The following ROBO1 variants were observed in gnomAD, a reference collection of about 807,000 sequenced individuals.
The protein encoded by ROBO1 is roundabout homolog 1.
In ROBO1, 149 loss-of-function variants were observed where a neutral mutation model predicts 195.9. The ratio of observed to expected loss-of-function variants is 0.76; its 90% CI spans 0.67 to 0.87. ROBO1 has a LOEUF of 0.87. Among genes scored for constraint, ROBO1 ranks in the 40% least tolerant of loss-of-function variants. The pLI is 0.00. For missense variants in ROBO1, 1,933 were observed against 2,068.3 expected (o/e 0.93, Z 1.27); for synonymous variants, 816 against 733.2 (o/e 1.11, Z -1.82).
chr3:79,736,289 T>C (rs1703386059), intron 1 of ROBO1, among the ~76,000 whole-genome samples: 1 of 152,120 alleles, frequency 6.6e-6, no homozygotes, highest in Non-Finnish European at 1.5e-5. Flanking sequence ...GAGGAGAACA[T>C]GAACAAATGA....
intron 2 of ROBO1, among the ~76,000 whole-genome samples, chr3:79,447,383 A>G (rs2039296791): frequency 6.6e-6 from 1 of 152,186 alleles, no homozygotes; most frequent in African/African-American, 2.4e-5. Flanking sequence ...AAGAATTTTT[A>G]CAAAACAAAT....
At chr3:79,766,063 T>C (rs1704968675) in intron 1 of ROBO1, among the ~76,000 whole-genome samples, 1 of 151,316 alleles carries the variant, frequency 6.6e-6, no homozygotes, top group Non-Finnish European at 1.5e-5. Flanking sequence ...AACTACCCTG[T>C]GAAATGAGCC....
intron 3 of ROBO1, among the ~76,000 whole-genome samples, chr3:78,960,340 A>G (rs913319733): frequency 6.0e-5 from 9 of 149,836 alleles, no homozygotes; most frequent in Admixed American, 2.7e-4. Context: ...GTTAACATAT[A>G]GCAATATATA....
chr3:79,176,718 C>T (rs549216176), intron 2 of ROBO1, among the ~76,000 whole-genome samples: 1 of 152,136 alleles, frequency 6.6e-6, no homozygotes, highest in East Asian at 1.9e-4. Flanking sequence ...GCTCGGCCCC[C>T]CAAAGGGCTG....
intron 2 of ROBO1, among the ~76,000 whole-genome samples, chr3:79,575,139 C>CATATAT (rs1560007088): frequency 1.0e-5 from 1 of 99,116 alleles, no homozygotes; most frequent in African/African-American, 5.2e-5. Flanking sequence ...ATATATATAA[C>CATATAT]AAATATATAA....
Position 79,414,524 on chromosome 3 carries a change from C to T in ROBO1, c.88+175300G>A, listed in dbSNP as rs1443238437. 2.0e-5 allele frequency among the ~76,000 whole-genome samples: 3 copies of T among 151,996 alleles called. No homozygotes were observed. The East Asian group carries it at 5.8e-4, about 29-fold the overall frequency. On this transcript the variant is annotated intron_variant, in intron 2 of 30. Transcript: ENST00000464233. The stretch of plus-strand genomic sequence containing the variant: ...AGTATATATTTATTCATATGTTGTC[C>T]TTTGTTTTCCTTGGTAATTAGTATT...
chr3:78,616,208 G>A (rs963127432), intron 27 of ROBO1, among the ~76,000 whole-genome samples: 7 of 151,946 alleles, frequency 4.6e-5, no homozygotes, highest in Middle Eastern at 6.9e-3. Context: ...ATTTTCTAAC[G>A]TATTCTCAAA....
chr3:79,325,524 T>C (rs1363387862), intron 2 of ROBO1, among the ~76,000 whole-genome samples: 1 of 152,218 alleles, frequency 6.6e-6, no homozygotes, highest in African/African-American at 2.4e-5. Context: ...TAATGTGTCG[T>C]GGGAAGTCAG....
At chr3:79,747,778 G>A (rs375661495) in intron 1 of ROBO1, among the ~76,000 whole-genome samples, 1 of 151,772 alleles carries the variant, frequency 6.6e-6, no homozygotes. Context: ...TGTGTTTCAG[G>A]AAAATGAAAA....
intron 2 of ROBO1, among the ~76,000 whole-genome samples, chr3:79,314,951 G>A (rs1185132073): frequency 1.3e-5 from 2 of 152,222 alleles, no homozygotes; most frequent in Non-Finnish European, 2.9e-5. Flanking sequence ...GAGTTGGAGA[G>A]TGCAGTTTTA....
At chr3:79,342,577 T>G (rs1362063522) in intron 2 of ROBO1, among the ~76,000 whole-genome samples, 1 of 152,148 alleles carries the variant, frequency 6.6e-6, no homozygotes, top group East Asian at 1.9e-4. Context: ...GTTACCTATG[T>G]GATATGTTTT....
chr3:79,363,525 C>G (rs2035851670), intron 2 of ROBO1, among the ~76,000 whole-genome samples: 1 of 152,160 alleles, frequency 6.6e-6, no homozygotes, highest in Non-Finnish European at 1.5e-5. Context: ...TGAATTACAT[C>G]TTTCAACATA....
At chr3:78,665,612 A>C (rs954548416) in intron 14 of ROBO1, among the ~76,000 whole-genome samples, 2 of 152,202 alleles carry the variant, frequency 1.3e-5, no homozygotes, top group Non-Finnish European at 2.9e-5. Context: ...TCCTGACACT[A>C]AAAGAAATAC....
chr3:78,685,668 A>T, intron 10 of ROBO1, 78 bp downstream of exon 10: 1 of 996,798 alleles, frequency 1.0e-6, no homozygotes, highest in Admixed American at 3.1e-5. Context: ...AAAGTTGGAA[A>T]TAAATATATC....
At chr3:79,521,108 AG>A (rs1941190039) in intron 2 of ROBO1, among the ~76,000 whole-genome samples, 1 of 152,154 alleles carries the variant, frequency 6.6e-6, no homozygotes, top group Non-Finnish European at 1.5e-5. Flanking sequence ...CCCTTGTGAA[AG>A]CAATCATCTC....
intron 2 of ROBO1, among the ~76,000 whole-genome samples, chr3:79,586,633 C>A (rs893003067): frequency 5.3e-5 from 8 of 151,588 alleles, no homozygotes; most frequent in Non-Finnish European, 1.2e-4. Flanking sequence ...GCAATATAAA[C>A]CTAGAACTCA....
At chr3:79,638,821 T>G (rs1203251544) in intron 1 of ROBO1, among the ~76,000 whole-genome samples, 3 of 152,128 alleles carry the variant, frequency 2.0e-5, no homozygotes, top group Non-Finnish European at 4.4e-5. Flanking sequence ...TTTTTCAAAC[T>G]TTTCCCTAAC....
chr3:79,596,838 G>T (rs941920829), intron 1 of ROBO1, among the ~76,000 whole-genome samples: 1 of 151,980 alleles, frequency 6.6e-6, no homozygotes, highest in South Asian at 2.1e-4. Flanking sequence ...GGAAGATGAA[G>T]CTCAGCACAA....
intron 2 of ROBO1, among the ~76,000 whole-genome samples, chr3:79,538,874 A>G (rs1010341339): frequency 7.2e-5 from 11 of 152,202 alleles, no homozygotes; most frequent in South Asian, 2.1e-4. Flanking sequence ...TTAATCAGAA[A>G]CAAGGGAATT....
Sources: gnomAD v4.1 joint callset for allele counts (sites outside exome capture counted in the v4.1 genomes callset) on GRCh38, gnomAD v4.1.1 for gene constraint, MANE v1.5 for transcripts, NCBI Gene and HGNC (gene_info 2026-07-23, HGNC 2026-07-21) for gene names.